TBCA: variants seen among roughly 807,000 people sequenced by gnomAD.
The protein encoded by TBCA is tubulin folding cofactor A.
Under a neutral mutation model 15.8 loss-of-function variants are expected in TBCA, and 6 were observed. That is an observed-to-expected ratio of 0.38 (90% CI 0.21 to 0.75). TBCA has a LOEUF of 0.75. TBCA is among the 30% of genes least tolerant of loss of function. The pLI, the probability that TBCA is intolerant of heterozygous loss-of-function variation, is 0.46. For synonymous variants in TBCA, 32 were observed against 42.3 expected (o/e 0.76, Z 0.94); for missense variants, 90 against 131.2 (o/e 0.69, Z 1.53).
intron 1 of TBCA, among the ~76,000 whole-genome samples, chr5:77,766,250 C>G (rs923948007): frequency 2.6e-5 from 4 of 152,074 alleles, no homozygotes; most frequent in Non-Finnish European, 5.9e-5. Context: ...CTAGTTAATT[C>G]TAGGTAAACT....
chr5:77,710,643 A>G (rs183426299), intron 1 of TBCA, among the ~76,000 whole-genome samples: 152 of 152,304 alleles, frequency 1.0e-3, no homozygotes, highest in African/African-American at 3.4e-3. Flanking sequence ...TGAGGGCTGC[A>G]TTCCCACTAC....
At chr5:77,758,534 T>G (rs2112503276) in intron 1 of TBCA, among the ~76,000 whole-genome samples, 1 of 152,332 alleles carries the variant, frequency 6.6e-6, no homozygotes, top group East Asian at 1.9e-4. Flanking sequence ...AGACAGTAGC[T>G]TGCCGATGCT....
rs538159049 is a variant in TBCA at position 77,763,931 on chromosome 5, AC to A, written c.53+12273del. ...TCAGACATAATTAACAGAGACATGA[AC>A]AAGAATGTACATAGAAACACAGTTA... On this transcript the variant is annotated intron_variant, in intron 1 of 3. Coordinates refer to ENST00000380377, the MANE Select transcript of TBCA (RefSeq NM_004607.3). Among the ~76,000 whole-genome samples the A allele has an allele frequency of 1.2e-3, 181 of 152,342 alleles. 1 individual carries two copies. Among genetic ancestry groups the A allele is most frequent in the African/African-American group, 4.3e-3 (179 of 41,574 alleles).
At position 77,766,348 on chromosome 5, in the gene TBCA, G is replaced by C. The variant is rs185661686; in HGVS notation, c.53+9857C>G. Among the ~76,000 whole-genome samples the C allele has an allele frequency of 2.7e-3, 416 of 151,992 alleles. 4 individuals carry two copies. The highest frequency in any genetic ancestry group is 2.3e-3 in the Non-Finnish European group (159 of 67,956). On this transcript the variant is annotated intron_variant, in intron 1 of 3. Coordinates refer to ENST00000380377, the MANE Select transcript of TBCA (RefSeq NM_004607.3). Reference sequence around the variant, plus strand: ...CTAGTTTAAAAAATGTAAAATTGTTGCTTTTAAACAAATCCTTGATATATT... The same window carrying C: ...CTAGTTTAAAAAATGTAAAATTGTTCCTTTTAAACAAATCCTTGATATATT...
At chr5:77,762,541 A>G (rs1018185385) in intron 1 of TBCA, among the ~76,000 whole-genome samples, 4 of 152,220 alleles carry the variant, frequency 2.6e-5, no homozygotes, top group Admixed American at 1.3e-4. Context: ...ATTATCAACA[A>G]ATAATTCAAT....
chr5:77,771,451 C>G (rs536152786), intron 1 of TBCA, among the ~76,000 whole-genome samples: 47 of 152,284 alleles, frequency 3.1e-4, no homozygotes, highest in Non-Finnish European at 5.3e-4. Flanking sequence ...TCTCTTGAAA[C>G]TCACTTCCCA....
At chr5:77,763,227 G>C (rs963896932) in intron 1 of TBCA, among the ~76,000 whole-genome samples, 1 of 152,088 alleles carries the variant, frequency 6.6e-6, no homozygotes. Flanking sequence ...CTGGGCGACA[G>C]AGCAAGACTC....
chr5:77,744,093 A>C (rs889978089), intron 1 of TBCA, among the ~76,000 whole-genome samples: 1 of 152,108 alleles, frequency 6.6e-6, no homozygotes, highest in Non-Finnish European at 1.5e-5. Context: ...CATACATTTT[A>C]TTGCCTCCCA....
intron 1 of TBCA, among the ~76,000 whole-genome samples, chr5:77,765,641 T>C (rs966851540): frequency 6.6e-6 from 1 of 152,100 alleles, no homozygotes; most frequent in East Asian, 1.9e-4. Context: ...CTTTTTCAAG[T>C]CTTTGAATTT....
intron 1 of TBCA, among the ~76,000 whole-genome samples, chr5:77,740,216 TA>T (rs1467981652): frequency 6.6e-6 from 1 of 152,172 alleles, no homozygotes; most frequent in Admixed American, 6.5e-5. Context: ...GATAGCAGGG[TA>T]CTAGGTTATA....
chr5:77,729,947 T>A (rs1561273110), intron 1 of TBCA, among the ~76,000 whole-genome samples: 1 of 152,218 alleles, frequency 6.6e-6, no homozygotes, highest in Non-Finnish European at 1.5e-5. Context: ...ATCCTGAGAT[T>A]AAATATTATT....
chr5:77,716,101 CA>C (rs1369499246), intron 1 of TBCA, among the ~76,000 whole-genome samples: 2 of 152,258 alleles, frequency 1.3e-5, no homozygotes, highest in Middle Eastern at 3.4e-3. Context: ...CTCTATTTTA[CA>C]ATCTCTTTTT....
intron 1 of TBCA, among the ~76,000 whole-genome samples, chr5:77,711,050 T>C (rs544440374): frequency 2.0e-5 from 3 of 152,164 alleles, no homozygotes; most frequent in African/African-American, 4.8e-5. Flanking sequence ...AGGCAAACTA[T>C]GGCCAGGGAG....
intron 1 of TBCA, among the ~76,000 whole-genome samples, chr5:77,746,159 T>C (rs1319378724): frequency 6.6e-6 from 1 of 152,152 alleles, no homozygotes; most frequent in Non-Finnish European, 1.5e-5. Flanking sequence ...CCGGCCGTGG[T>C]AGCTCAGACC....
chr5:77,756,828 C>T (rs141506749), intron 1 of TBCA, among the ~76,000 whole-genome samples: 395 of 149,914 alleles, frequency 2.6e-3, no homozygotes, highest in Non-Finnish European at 4.6e-3. Context: ...GAAGAATCTG[C>T]CCATGACCCT....
At position 77,763,404 on chromosome 5, in the gene TBCA, T is replaced by C. The variant is rs2457223; in HGVS notation, c.53+12801A>G. Among the ~76,000 whole-genome samples the C allele has an allele frequency of 6.6e-3, 1,012 of 152,324 alleles. 3 individuals are homozygous for C. The highest frequency in any genetic ancestry group is 0.01 in the Non-Finnish European group (708 of 68,036). ...GTCAATGAAAGGAATTCCCACATAA[T>C]GCAGCTGGGAACATAAAAGGGTACA... On this transcript the variant is annotated intron_variant, in intron 1 of 3. Coordinates refer to ENST00000380377, the MANE Select transcript of TBCA (RefSeq NM_004607.3).
intron 2 of TBCA, among the ~76,000 whole-genome samples, chr5:77,707,160 A>G (rs985724727): frequency 3.9e-5 from 6 of 152,026 alleles, no homozygotes; most frequent in Non-Finnish European, 7.4e-5. Flanking sequence ...ACTGATAGTT[A>G]TAACAAGGGC....
At chr5:77,748,243 GAAAT>G (rs1747234123) in intron 1 of TBCA, among the ~76,000 whole-genome samples, 1 of 152,186 alleles carries the variant, frequency 6.6e-6, no homozygotes, top group African/African-American at 2.4e-5. Context: ...CCACATCTGT[GAAAT>G]AACTGTAATG....
At chr5:77,709,257 C>T (rs546943006) in intron 1 of TBCA, among the ~76,000 whole-genome samples, 2 of 152,054 alleles carry the variant, frequency 1.3e-5, no homozygotes, top group East Asian at 3.9e-4. Context: ...TATTTACTTA[C>T]TAAAGTAAGA....
Sources: allele counts gnomAD v4.1 joint callset (sites outside exome capture counted in the v4.1 genomes callset), GRCh38; gene constraint gnomAD v4.1.1; transcripts MANE v1.5; gene names NCBI Gene and HGNC (gene_info 2026-07-23, HGNC 2026-07-21).